The following VWA3A variants were observed in gnomAD, a reference collection of about 807,000 sequenced individuals.
VWA3A encodes von Willebrand factor A domain-containing protein 3A.
VWA3A carries 134 observed loss-of-function variants against 160.4 expected under a neutral mutation model. That is an observed-to-expected ratio of 0.84 (90% CI 0.73 to 0.96). The LOEUF is 0.96. VWA3A is among the 40% of genes least tolerant of loss of function. The pLI, the probability that VWA3A is intolerant of heterozygous loss-of-function variation, is 0.00. For missense variants in VWA3A, 1,310 were observed against 1,447.9 expected (o/e 0.90, Z 1.55); for synonymous variants, 476 against 543.4 (o/e 0.88, Z 1.72).
intron 12 of VWA3A, among the ~76,000 whole-genome samples, 169 bp downstream of exon 12, chr16:22,119,196 G>A (rs1257077460): frequency 6.6e-6 from 1 of 152,076 alleles, no homozygotes; most frequent in Admixed American, 6.5e-5. Flanking sequence ...TCTGAGTTGG[G>A]TGGGCTGGGT....
At chr16:22,150,497 C>A (rs149582594) in intron 29 of VWA3A, among the ~76,000 whole-genome samples, 198 bp from the exon 30 acceptor site, 1 of 152,348 alleles carries the variant, frequency 6.6e-6, no homozygotes, top group East Asian at 1.9e-4. Context: ...GTGAACCATG[C>A]TATTTCTCCT....
At chr16:22,132,056 A>G (rs2045958729) in intron 19 of VWA3A, among the ~76,000 whole-genome samples, 2 of 152,006 alleles carry the variant, frequency 1.3e-5, no homozygotes, top group Admixed American at 1.3e-4. Context: ...CATAGCAACA[A>G]GACCCCATCT....
intron 30 of VWA3A, 46 bp from the exon 31 acceptor site, chr16:22,152,465 C>T: frequency 6.2e-7 from 1 of 1,604,338 alleles, no homozygotes; most frequent in Non-Finnish European, 8.5e-7. Flanking sequence ...CACGAACTTG[C>T]CTGGTCAGTC....
At position 22,131,287 on chromosome 16, in the gene VWA3A, A is replaced by G; in HGVS notation, c.1727+8A>G. The G allele has an allele frequency of 6.2e-7, 1 of 1,613,774 alleles. No individual in the cohort carries two copies. ...TTTACAAAGTGCCTGGCGGTAGGTT[A>G]TGGGCAGAGACTTCGTGGGGCTGTG... is the stretch of plus-strand genomic sequence containing the variant. On this transcript the variant is annotated splice_region_variant and intron_variant, in intron 18 of 33. Transcript: ENST00000389398.
rs202081782 is a variant in VWA3A, at chr16:22,096,478, C to T, written c.15-381C>T. Among the ~76,000 whole-genome samples the T allele has an allele frequency of 3.3e-5, 5 of 152,014 alleles. No homozygotes were observed. The East Asian group carries it at 9.6e-4, about 29-fold the overall frequency. ...TTGTCAATAAAATTTTAAAAATGGCCGGGCGTGGTGACTCACATCTCTAAT... is the reference window on the plus strand; with the variant it reads ...TTGTCAATAAAATTTTAAAAATGGCTGGGCGTGGTGACTCACATCTCTAAT... On this transcript the variant is annotated intron_variant, in intron 1 of 33. Coordinates refer to ENST00000389398, the MANE Select transcript of VWA3A (RefSeq NM_173615.5).
intron 17 of VWA3A, among the ~76,000 whole-genome samples, chr16:22,127,007 TATATATA>T: frequency 6.7e-6 from 1 of 149,128 alleles, no homozygotes; most frequent in East Asian, 1.9e-4. Flanking sequence ...GTTTTAAAAT[TATATATA>T]GTATATATAG....
chr16:22,120,889 A>C, intron 12 of VWA3A, 79 bp from the exon 13 acceptor site: 2 of 1,546,748 alleles, frequency 1.3e-6, no homozygotes, highest in Non-Finnish European at 1.8e-6. Flanking sequence ...ACTTGCATTG[A>C]CTGGGTGGAG....
At chr16:22,124,962 T>C (rs2045816174) in intron 16 of VWA3A, among the ~76,000 whole-genome samples, 1 of 152,032 alleles carries the variant, frequency 6.6e-6, no homozygotes, top group South Asian at 2.1e-4. Context: ...AAAGAACAAA[T>C]AAGGCTAGAG....
At chr16:22,123,342 C>T (rs915916091) in intron 15 of VWA3A, 177 bp downstream of exon 15, 4 of 1,213,622 alleles carry the variant, frequency 3.3e-6, no homozygotes, top group Non-Finnish European at 4.6e-6. Context: ...AAGCAGGGAC[C>T]TCAATGCCTT....
At chr16:22,105,730 C>A (rs561115475) in intron 6 of VWA3A, among the ~76,000 whole-genome samples, 1 of 152,318 alleles carries the variant, frequency 6.6e-6, no homozygotes, top group South Asian at 2.1e-4. Context: ...TCTAGAACTT[C>A]AATGGCTAGG....
intron 1 of VWA3A, among the ~76,000 whole-genome samples, chr16:22,095,559 T>C (rs1487746784): frequency 6.6e-6 from 1 of 151,928 alleles, no homozygotes; most frequent in Non-Finnish European, 1.5e-5. Flanking sequence ...TGGGTGTGGA[T>C]TTTTGTTTAT....
intron 28 of VWA3A, 65 bp from the exon 29 acceptor site, chr16:22,149,722 G>A (rs964790554): frequency 5.9e-6 from 9 of 1,512,654 alleles, no homozygotes; most frequent in Middle Eastern, 1.8e-4. Flanking sequence ...ATCTAGACAG[G>A]CCTGTTCTAA....
intron 30 of VWA3A, 70 bp downstream of exon 30, chr16:22,150,916 AG>A (rs1407996627): frequency 1.3e-6 from 2 of 1,507,976 alleles, no homozygotes; most frequent in Non-Finnish European, 1.8e-6. Context: ...GGGAGATCCA[AG>A]CCCCTCACCT....
intron 5 of VWA3A, among the ~76,000 whole-genome samples, chr16:22,102,289 T>C (rs1031735663): frequency 2.6e-5 from 4 of 152,106 alleles, no homozygotes; most frequent in Non-Finnish European, 5.9e-5. Flanking sequence ...AGGTTGAAGC[T>C]GCAGTGAGCC....
At chr16:22,122,372 A>G (rs1299476156) in intron 14 of VWA3A, among the ~76,000 whole-genome samples, 1 of 151,844 alleles carries the variant, frequency 6.6e-6, no homozygotes, top group East Asian at 1.9e-4. Flanking sequence ...TGGAAGGGTA[A>G]AAGGGAAAAT....
chr16:22,129,345 C>T (rs1307448645), intron 17 of VWA3A, among the ~76,000 whole-genome samples: 2 of 144,902 alleles, frequency 1.4e-5, no homozygotes, highest in Non-Finnish European at 3.0e-5. Context: ...GCCGAGATTG[C>T]GCCACTGCAC....
chr16:22,133,779 C>T (rs2045991067), intron 20 of VWA3A, among the ~76,000 whole-genome samples: 1 of 151,828 alleles, frequency 6.6e-6, no homozygotes. Flanking sequence ...GAATCCAGTT[C>T]AAGACCATCC....
chr16:22,095,253 T>C (rs2045298567), intron 1 of VWA3A, among the ~76,000 whole-genome samples: 1 of 152,072 alleles, frequency 6.6e-6, no homozygotes, highest in Non-Finnish European at 1.5e-5. Flanking sequence ...CAAGCTGAAA[T>C]GTCAAGATGA....
At chr16:22,093,362 A>G (rs1285733431) in intron 1 of VWA3A, among the ~76,000 whole-genome samples, 2 of 152,172 alleles carry the variant, frequency 1.3e-5, no homozygotes, top group African/African-American at 4.8e-5. Context: ...ATAGTGAAAC[A>G]TGCTGTGGGG....
Sources: gnomAD v4.1 joint callset for allele counts (sites outside exome capture counted in the v4.1 genomes callset) on GRCh38, gnomAD v4.1.1 for gene constraint, MANE v1.5 for transcripts, NCBI Gene and HGNC (gene_info 2026-07-23, HGNC 2026-07-21) for gene names.